EPS8L1: variants seen among roughly 807,000 people sequenced by gnomAD.
The protein encoded by EPS8L1 is EPS8 signaling adaptor L1.
EPS8L1 carries 101 observed loss-of-function variants against 91.7 expected under a neutral mutation model. The ratio of observed to expected loss-of-function variants is 1.10; its 90% CI spans 0.94 to 1.30. EPS8L1 has a LOEUF of 1.30. Ranked by LOEUF, EPS8L1 falls within the 50% of genes most tolerant of loss-of-function variation. The probability of loss-of-function intolerance (pLI) is 0.00; values close to 1 mark genes in which losing one functional copy is unlikely to be tolerated. For synonymous variants in EPS8L1, 506 were observed against 445.3 expected, an observed-to-expected ratio of 1.14 and a Z score of -1.72; for missense variants, 1,114 against 1,017.0, an observed-to-expected ratio of 1.10 and a Z score of -1.30.
Position 55,086,845 on chromosome 19 carries a change from T to A in EPS8L1, c.1909T>A (p.Ser637Thr). 6.7e-7 allele frequency: 1 copy of A among 1,500,706 alleles called. No homozygotes were observed. The highest frequency in any genetic ancestry group is 1.3e-5 in the South Asian group (1 of 76,994). The allele number at this position is 1,500,706 out of a possible 1,614,324, so 93.0% of individuals were successfully genotyped here. A position where few individuals can be genotyped will look rare whatever the true frequency, so the allele number is the denominator to read the frequency against. ...EPQLSPGSDA[S>T]EVRAWLQAKG... The stretch of plus-strand genomic sequence containing the variant: ...GCAGCTCAGCCCGGGCTCGGACGCC[T>A]CCGAGGTCCGCGCCTGGCTGCAGGC... Residue 637 changes from serine (S) to threonine (T), a missense_variant, in exon 18 of 20, where the codon TCC becomes ACC. Transcript: ENST00000201647.
At chr19:55,079,883 C>G (rs756998203) in intron 5 of EPS8L1, 32 bp downstream of exon 5, 3 of 1,586,018 alleles carry the variant, frequency 1.9e-6, no homozygotes, top group Non-Finnish European at 2.6e-6. Flanking sequence ...GGAGGAGTGT[C>G]TGGGGCAGGG....
At chr19:55,085,779 C>T (rs1602955044) in intron 14 of EPS8L1, 62 bp from the exon 15 acceptor site, 2 of 1,570,794 alleles carry the variant, frequency 1.3e-6, no homozygotes, top group East Asian at 4.5e-5. Flanking sequence ...CACCAGCACC[C>T]TGCAGCCCAG....
chr19:55,081,279 C>G lies in EPS8L1; in HGVS notation c.561C>G (p.Thr187=). 6.5e-7 allele frequency: 1 copy of G among 1,542,454 alleles called. No individual in the cohort carries two copies. Among genetic ancestry groups the G allele is most frequent in the Admixed American group, 2.0e-5 (1 of 49,160 alleles). The change falls in exon 8 of 20, where the codon ACC becomes ACG. Residue 187 remains threonine, a synonymous_variant. Transcript: ENST00000201647. This position sits in a 1 kb window ranked among gnomAD's most constrained non-coding sequence, Gnocchi z 4.9. The stretch of plus-strand genomic sequence containing the variant: ...GCGACCGCTCGCCCGCCGCTGAGAC[C>G]CCGCCCCTGCAGCGCCGCCCGTCAG... ...LQRDRSPAAE[T]PPLQRRPSVR...
Position 55,086,109 on chromosome 19 carries a change from C to A in EPS8L1, c.1567C>A (p.Gln523Lys). 6.2e-7 allele frequency: 1 copy of A among 1,605,540 alleles called. No individual in the cohort carries two copies. Among genetic ancestry groups the A allele is most frequent in the Non-Finnish European group, 8.5e-7 (1 of 1,174,880 alleles). ...GTGGAAGGTTCGGGACCCAGCGGGG[C>A]AGGAGGGATATGTGCCCTACAACAT... ...KWWKVRDPAG[Q>K]EGYVPYNILT... Residue 523 changes from glutamine to lysine, a missense_variant, in exon 16 of 20, where the codon CAG becomes AAG. Transcript: ENST00000201647.
chr19:55,080,097 G>A (rs2076221378), intron 5 of EPS8L1, 32 bp from the exon 6 acceptor site: 4 of 1,469,554 alleles, frequency 2.7e-6, no homozygotes, highest in African/African-American at 1.4e-5. Context: ...TCATTTCGGG[G>A]CCTCAGTTTA....
chr19:55,080,722 A>G (rs1262832375), intron 6 of EPS8L1, 50 bp from the exon 7 acceptor site: 1 of 1,592,908 alleles, frequency 6.3e-7, no homozygotes, highest in East Asian at 2.3e-5. Context: ...AGGCCCGGGT[A>G]GGAAGTGGGT....
chr19:55,077,932 CAATAATAATAATAATAATAAT>C (rs34626114), intron 2 of EPS8L1, among the ~76,000 whole-genome samples, 135 bp from the exon 3 acceptor site: 2 of 126,288 alleles, frequency 1.6e-5, no homozygotes, highest in African/African-American at 5.3e-5. Flanking sequence ...CTCTCCTGCT[CAATAATAATAATAATAATAAT>C]AATAATAATA....
At position 55,086,796 on chromosome 19, in the gene EPS8L1, C is replaced by A. The variant is rs765150987; in HGVS notation, c.1860C>A (p.Val620=). 6.2e-7 allele frequency: 1 copy of A among 1,601,280 alleles called. No homozygotes were observed. The highest frequency in any genetic ancestry group is 8.5e-7 in the Non-Finnish European group (1 of 1,174,858). The change falls in exon 18 of 20, where the codon GTC becomes GTA. Residue 620 remains valine, a synonymous_variant. Transcript: ENST00000201647. ...GCCGCTCGGGACCGAGCCGCGCAGT[C>A]CCAGGGCCCCGCGCCCCGGAACCGC... ...AQGRSGPSRA[V]PGPRAPEPQL... is the part of the protein sequence containing the mutation.
intron 11 of EPS8L1, 29 bp downstream of exon 11, chr19:55,082,378 C>G: frequency 6.2e-7 from 1 of 1,612,676 alleles, no homozygotes; most frequent in Non-Finnish European, 8.5e-7. Context: ...CCTCGGGCCC[C>G]CCTGCAGCGG....
At chr19:55,086,644 CCCCGCCCTCTG>C in intron 17 of EPS8L1, 59 bp from the exon 18 acceptor site, 1 of 1,467,348 alleles carries the variant, frequency 6.8e-7, no homozygotes, top group Non-Finnish European at 9.2e-7. Flanking sequence ...CGCCCCCCCG[CCCCGCCCTCTG>C]GCCCCAGGAC....
Position 55,077,374 on chromosome 19 carries a change from C to T in EPS8L1, c.18-714C>T, listed in dbSNP as rs1035216857. Among the ~76,000 whole-genome samples the T allele has an allele frequency of 4.5e-4, 68 of 152,278 alleles. No homozygotes were observed. In the Middle Eastern group the frequency reaches 0.02, roughly 46 times the overall value. The stretch of plus-strand genomic sequence containing the variant: ...TAACAGTTATTGAGGCTTCAAAATA[C>T]TTCACCTGCATCATCTGACTGAATT... On this transcript the variant is annotated intron_variant, in intron 2 of 19. Transcript: ENST00000201647.
chr19:55,081,984 C>T lies in EPS8L1; in HGVS notation c.901+85C>T. ...CTCTCCCCAGGCTCTCCCCTCCCGC[C>T]ACTTGCCAGGGCTGACCTCACCGCC... On this transcript the variant is annotated intron_variant, in intron 9 of 19. Coordinates refer to ENST00000201647, the MANE Select transcript of EPS8L1 (RefSeq NM_133180.3). The surrounding 1 kb of genome is among the most constrained non-coding windows in gnomAD (Gnocchi z 4.9). 1 of 1,556,378 alleles carries T rather than the reference C, an allele frequency of 6.4e-7. No homozygotes were observed. Among genetic ancestry groups the T allele is most frequent in the Non-Finnish European group, 8.7e-7 (1 of 1,149,316 alleles).
Position 55,080,232 on chromosome 19 carries a change from AGC to A in EPS8L1, c.390_391del (p.Gln131AlafsTer55), listed in dbSNP as rs772137547. The A allele has an allele frequency of 6.5e-7, 1 of 1,536,938 alleles. No individual in the cohort carries two copies. Among genetic ancestry groups the A allele is most frequent in the Non-Finnish European group, 8.8e-7 (1 of 1,137,100 alleles). ...CTGCTGCTCGTGTGCCAGGAACCCG[AGC>A]GCGCGCAGCCCGACGTGCACTTCTT... On this transcript the variant is annotated frameshift_variant, in exon 6 of 20. Transcript: ENST00000201647. LOFTEE classifies it high-confidence loss of function.
chr19:55,086,683 C>G (rs2076356041), intron 17 of EPS8L1, 31 bp from the exon 18 acceptor site: 1 of 1,602,466 alleles, frequency 6.2e-7, no homozygotes, highest in African/African-American at 1.3e-5. Context: ...CCTGAGCCCG[C>G]ACTCCCTACC....
At position 55,081,922 on chromosome 19, in the gene EPS8L1, A is replaced by T. The variant is rs777903999; in HGVS notation, c.901+23A>T. On this transcript the variant is annotated intron_variant, in intron 9 of 19. Coordinates refer to ENST00000201647, the MANE Select transcript of EPS8L1 (RefSeq NM_133180.3). The surrounding 1 kb of genome is among the most constrained non-coding windows in gnomAD (Gnocchi z 4.9). ...GGGGTAAGGGGCACCCTGGCGTGGG[A>T]TCTGAACCCCCTCCCGATCTCTTCC... is the stretch of plus-strand genomic sequence containing the variant. The T allele has an allele frequency of 1.8e-4, 285 of 1,601,256 alleles. No homozygotes were observed. The highest frequency in any genetic ancestry group is 2.2e-4 in the Non-Finnish European group (259 of 1,173,140).
chr19:55,081,401 C>T lies in EPS8L1; in HGVS notation c.683C>T (p.Pro228Leu). The T allele has an allele frequency of 6.3e-7, 1 of 1,590,704 alleles. No individual in the cohort carries two copies. Among genetic ancestry groups the T allele is most frequent in the Non-Finnish European group, 8.5e-7 (1 of 1,170,798 alleles). Residue 228 changes from proline to leucine, a missense_variant, in exon 8 of 20, where the codon CCG becomes CTG. Transcript: ENST00000201647. The surrounding 1 kb of genome is among the most constrained non-coding windows in gnomAD (Gnocchi z 4.9). ...GCAGAGGAGGCGCAGAGGCCTGAGCCGGTGGGGACCTCGAGCAACGCTGAC... is the reference window on the plus strand; with the variant it reads ...GCAGAGGAGGCGCAGAGGCCTGAGCTGGTGGGGACCTCGAGCAACGCTGAC... ...PEAEEAQRPE[P>L]VGTSSNADSA...
chr19:55,087,654 G>A lies in EPS8L1; in HGVS notation c.*40G>A, dbSNP rs554547777. On this transcript the variant is annotated 3_prime_UTR_variant, in exon 20 of 20. Transcript: ENST00000201647. ...TTCGCAAAGAGTGACGAGGCCCCGT[G>A]GGAGAACGGACTCCTCAGACTCTCC... 6.2e-7 allele frequency: 1 copy of A among 1,602,578 alleles called. No individual in the cohort carries two copies. The highest frequency in any genetic ancestry group is 8.5e-7 in the Non-Finnish European group (1 of 1,171,226).
chr19:55,082,396 C>G (rs2076287392), intron 11 of EPS8L1, 47 bp downstream of exon 11: 4 of 1,612,194 alleles, frequency 2.5e-6, no homozygotes, highest in Admixed American at 3.3e-5. Context: ...CGGGAGGAAT[C>G]GGGTTCGACT....
intron 16 of EPS8L1, 21 bp downstream of exon 16, chr19:55,086,213 G>A: frequency 6.3e-7 from 1 of 1,591,676 alleles, no homozygotes; most frequent in Non-Finnish European, 8.6e-7. Context: ...GCAGACGCTG[G>A]GATCTTGAGG....
Sources: allele counts gnomAD v4.1 joint callset (sites outside exome capture counted in the v4.1 genomes callset), GRCh38; gene constraint gnomAD v4.1.1; non-coding constraint Gnocchi (gnomAD v3.1); transcripts MANE v1.5; gene names NCBI Gene and HGNC (gene_info 2026-07-23, HGNC 2026-07-21).